The following SGCD variants were observed in gnomAD, a reference collection of about 807,000 sequenced individuals.
SGCD encodes delta-sarcoglycan.
A neutral mutation model predicts 36.6 loss-of-function variants in SGCD; 18 were observed. The ratio of observed to expected loss-of-function variants is 0.49; its 90% CI spans 0.34 to 0.73. SGCD has a LOEUF of 0.73. Ranked by LOEUF, SGCD falls within the 30% of genes least tolerant of loss-of-function variation. The pLI, the probability that SGCD is intolerant of heterozygous loss-of-function variation, is 0.01. For missense variants in SGCD, 387 were observed against 346.7 expected, an observed-to-expected ratio of 1.12 and a Z score of -0.92; for synonymous variants, 133 against 130.6, an observed-to-expected ratio of 1.02 and a Z score of -0.12.
chr5:156,724,594 G>C (rs1255352403), intron 7 of SGCD, among the ~76,000 whole-genome samples: 5 of 151,254 alleles, frequency 3.3e-5, no homozygotes, highest in Non-Finnish European at 7.4e-5. Context: ...GTGACAGAGC[G>C]AGACTCCATC....
At chr5:156,414,240 G>A (rs562195429) in intron 3 of SGCD, among the ~76,000 whole-genome samples, 2 of 152,080 alleles carry the variant, frequency 1.3e-5, no homozygotes, top group Non-Finnish European at 2.9e-5. Context: ...TCTAAAGCAC[G>A]GTTCTTATAC....
At chr5:156,157,669 CATT>C (rs1762997039) in intron 3 of SGCD, among the ~76,000 whole-genome samples, 1 of 151,682 alleles carries the variant, frequency 6.6e-6, no homozygotes, top group Admixed American at 6.6e-5. Flanking sequence ...TGTCTTCTCT[CATT>C]GTTGGGGAAA....
intron 7 of SGCD, among the ~76,000 whole-genome samples, chr5:156,679,896 GA>G (rs1167231405): frequency 2.0e-5 from 3 of 152,000 alleles, no homozygotes; most frequent in Non-Finnish European, 4.4e-5. Context: ...AATGCCTCAG[GA>G]TTTTACCTTT....
chr5:156,228,005 G>T (rs1344410348), intron 3 of SGCD, among the ~76,000 whole-genome samples: 4 of 152,078 alleles, frequency 2.6e-5, no homozygotes, highest in Non-Finnish European at 5.9e-5. Flanking sequence ...GTCTGAAAGA[G>T]TGCTTGATAT....
At chr5:155,956,624 C>T (rs887551049) in intron 1 of SGCD, among the ~76,000 whole-genome samples, 6 of 152,218 alleles carry the variant, frequency 3.9e-5, no homozygotes, top group Middle Eastern at 3.4e-3. Flanking sequence ...AAAGTCAAGG[C>T]GTCAGCAGGG....
At chr5:155,861,955 G>T in the SGCD span, among the ~76,000 whole-genome samples, 1 of 152,136 alleles carries the variant, frequency 6.6e-6, no homozygotes, top group Non-Finnish European at 1.5e-5. Context: ...TGTACTAGCT[G>T]CTCTCCCCCA....
intron 1 of SGCD, among the ~76,000 whole-genome samples, chr5:156,016,657 C>T (rs1241281518): frequency 6.6e-6 from 1 of 152,070 alleles, no homozygotes; most frequent in African/African-American, 2.4e-5. Flanking sequence ...GTTGTATGTA[C>T]TGTCTTGTAA....
At chr5:156,521,335 G>T (rs1169884482) in intron 4 of SGCD, among the ~76,000 whole-genome samples, 2 of 151,908 alleles carry the variant, frequency 1.3e-5, no homozygotes, top group African/African-American at 2.4e-5. Context: ...ATTGCAACAA[G>T]AGCAAAAAAT....
the SGCD span, among the ~76,000 whole-genome samples, chr5:155,739,139 G>T: frequency 1.3e-5 from 2 of 152,174 alleles, no homozygotes; most frequent in Admixed American, 1.3e-4. Context: ...ACTTTGGGAT[G>T]CTGGAAAGAG....
intron 3 of SGCD, among the ~76,000 whole-genome samples, chr5:156,157,631 A>G (rs909934311): frequency 2.6e-5 from 4 of 151,796 alleles, no homozygotes; most frequent in African/African-American, 7.3e-5. Flanking sequence ...GCTATAGTAT[A>G]TAAACAAGAG....
intron 3 of SGCD, among the ~76,000 whole-genome samples, chr5:156,317,512 AC>A (rs1767549320): frequency 6.6e-6 from 1 of 152,180 alleles, no homozygotes; most frequent in Non-Finnish European, 1.5e-5. Context: ...GTTTTCCATA[AC>A]TGAAGGTTAA....
In SGCD at chr5:155,918,471, G is replaced by A. The variant is rs148476588; in HGVS notation, c.-282+48047G>A. On this transcript the variant is annotated intron_variant, in intron 1 of 9. Transcript: ENST00000517913. Reference sequence around the variant, plus strand: ...CCAGCTACTCAGGAGGTTGAGGCAGGAGAATCGCTAGAACCTAGGAGGCGG... The same window carrying A: ...CCAGCTACTCAGGAGGTTGAGGCAGAAGAATCGCTAGAACCTAGGAGGCGG... Among the ~76,000 whole-genome samples the A allele has an allele frequency of 9.4e-3, 1,431 of 152,308 alleles. 29 individuals carry two copies. The highest frequency in any genetic ancestry group is 0.032 in the African/African-American group (1,349 of 41,554).
rs568185149 is a variant in SGCD at position 156,019,722 on chromosome 5, G to A, written c.-281-98156G>A. ...GAGAACTTGTGGTAGCATCCATCCA[G>A]CATGACATCATTCTTTGCTCCCTCC... On this transcript the variant is annotated intron_variant, in intron 1 of 9. Transcript: ENST00000517913. Among the ~76,000 whole-genome samples the A allele has an allele frequency of 1.1e-4, 17 of 152,282 alleles. No homozygotes were observed. In the East Asian group the frequency reaches 2.9e-3, roughly 26 times the overall value.
rs376432003 is a variant in SGCD, at chr5:156,287,525, G to A, written c.-43-42009G>A. On this transcript the variant is annotated intron_variant, in intron 3 of 9. Transcript: ENST00000517913. ...ACATCAGGGTGGAAAGAAATAGGTG[G>A]TAGGTCAGAGTGACCGAGGTTTGAT... Among the ~76,000 whole-genome samples, 10 of 152,140 alleles carry A rather than the reference G, an allele frequency of 6.6e-5. No individual in the cohort carries two copies. The South Asian group carries it at 2.1e-3, about 32-fold the overall frequency.
At position 156,022,413 on chromosome 5, in the gene SGCD, G is replaced by A. The variant is rs118183675; in HGVS notation, c.-281-95465G>A. On this transcript the variant is annotated intron_variant, in intron 1 of 9. Transcript: ENST00000517913. Reference sequence around the variant, plus strand: ...TAAAACATTTAAATATCATGCTATGGAATTATTATAAATGTTCAAATGTGA... The same window carrying A: ...TAAAACATTTAAATATCATGCTATGAAATTATTATAAATGTTCAAATGTGA... Among the ~76,000 whole-genome samples the A allele has an allele frequency of 3.2e-4, 49 of 152,210 alleles. No homozygotes were observed. The East Asian group carries it at 9.5e-3, about 29-fold the overall frequency.
chr5:156,373,529 T>G (rs1327439204), intron 3 of SGCD, among the ~76,000 whole-genome samples: 1 of 152,222 alleles, frequency 6.6e-6, no homozygotes, highest in Non-Finnish European at 1.5e-5. Context: ...TCACCAGGAT[T>G]CTTTCCTTCT....
chr5:155,980,923 T>C (rs753231470), intron 1 of SGCD, among the ~76,000 whole-genome samples: 1 of 152,136 alleles, frequency 6.6e-6, no homozygotes, highest in Non-Finnish European at 1.5e-5. Flanking sequence ...CAAACAACTG[T>C]TGGCACCATC....
chr5:156,327,880 T>C (rs754055714), intron 1 of SGCD, among the ~76,000 whole-genome samples: 3 of 152,194 alleles, frequency 2.0e-5, no homozygotes, highest in Non-Finnish European at 4.4e-5. Context: ...CTATAATCAT[T>C]TCCAATTTTC....
chr5:156,209,394 G>A (rs1222889243), intron 3 of SGCD, among the ~76,000 whole-genome samples: 2 of 152,178 alleles, frequency 1.3e-5, no homozygotes, highest in Non-Finnish European at 2.9e-5. Context: ...TGCCAAGCCA[G>A]CCTCTGAGGC....
Sources: gnomAD v4.1 joint callset for allele counts (sites outside exome capture counted in the v4.1 genomes callset) on GRCh38, gnomAD v4.1.1 for gene constraint, MANE v1.5 for transcripts, NCBI Gene and HGNC (gene_info 2026-07-23, HGNC 2026-07-21) for gene names.